Variants in HMCN1 observed in about 807,000 individuals in gnomAD.
HMCN1 encodes hemicentin 1.
A neutral mutation model predicts 625.9 loss-of-function variants in HMCN1; 321 were observed. That is an observed-to-expected ratio of 0.51 (90% confidence interval 0.47 to 0.56). The LOEUF (loss-of-function observed/expected upper bound fraction) is 0.56, where lower values mean the gene tolerates loss of function less well. Ranked by LOEUF, HMCN1 falls within the 20% of genes least tolerant of loss-of-function variation. The probability of loss-of-function intolerance (pLI) is 0.00; values close to 1 mark genes in which losing one functional copy is unlikely to be tolerated. For synonymous variants in HMCN1, 2,425 were observed against 2,417.6 expected (o/e 1.00, Z -0.09); for missense variants, 6,588 against 6,887.3 (o/e 0.96, Z 1.54).
intron 1 of HMCN1, among the ~76,000 whole-genome samples, chr1:185,750,214 A>C (rs1321718468): frequency 6.6e-6 from 1 of 152,208 alleles, no homozygotes; most frequent in Non-Finnish European, 1.5e-5. Flanking sequence ...GGCATATAGA[A>C]GGCACTCAAT....
intron 11 of HMCN1, among the ~76,000 whole-genome samples, chr1:185,942,815 A>G (rs2102514607): frequency 6.6e-6 from 1 of 152,242 alleles, no homozygotes; most frequent in South Asian, 2.1e-4. Context: ...TGGGCTTCCT[A>G]TACTTCTGAT....
At chr1:186,110,977 C>CTTTTTTTTTTTTTATTTTTTTT (rs1660849524) in intron 71 of HMCN1, among the ~76,000 whole-genome samples, 1 of 61,648 alleles carries the variant, frequency 1.6e-5, no homozygotes, top group Non-Finnish European at 2.7e-5. Context: ...AGAGAAAATT[C>CTTTTTTTTTTTTTATTTTTTTT]TTTTTTTTTT....
At position 186,055,529 on chromosome 1, in the gene HMCN1, G is replaced by C. The variant is rs771986088; in HGVS notation, c.6999G>C (p.Leu2333Phe). 4.0e-5 allele frequency: 65 copies of C among 1,612,898 alleles called. No homozygotes were observed. The highest frequency in any genetic ancestry group is 5.5e-5 in the Non-Finnish European group (65 of 1,179,278). The part of the protein sequence containing the change: ...TVTWMKDGHP[L>F]IKAKGVEILD... ...CCTGGATGAAAGATGGCCACCCCTT[G>C]ATCAAGGCAAAGGGAGTAGAAATAC... Residue 2333 changes from leucine to phenylalanine, a missense_variant, in exon 45 of 107, where the codon TTG becomes TTC. By Grantham distance (22) the Leu-to-Phe change is conservative. This residue lies in a region of HMCN1 where 4,628 missense variants were observed against 4,853.1 expected (regional missense o/e 0.95). Coordinates refer to ENST00000271588, the MANE Select transcript of HMCN1 (RefSeq NM_031935.3).
chr1:186,000,364 C>A (rs1350578209), intron 26 of HMCN1, 125 bp downstream of exon 26: 8 of 724,912 alleles, frequency 1.1e-5, no homozygotes, highest in Non-Finnish European at 1.9e-5. Flanking sequence ...AAACAGAAAT[C>A]TGGTGGTATG....
Position 186,166,892 on chromosome 1 carries a change from T to C in HMCN1, c.15524T>C (p.Val5175Ala), listed in dbSNP as rs1291769209. ...ACGATTGGATCTTATCGCTGTGTGG[T>C]CCGTTGTGGAAGTGGCTTTCGAAGA... is the stretch of plus-strand genomic sequence containing the variant. ...DNTIGSYRCV[V>A]RCGSGFRRTS... Residue 5175 changes from valine to alanine, a missense_variant, in exon 100 of 107, where the codon GTC becomes GCC. Physicochemically the swap from Val to Ala is moderately conservative, Grantham distance 64. This residue lies in a region of HMCN1 where 1,954 missense variants were observed against 2,013.1 expected (regional missense o/e 0.97). Coordinates refer to ENST00000271588, the MANE Select transcript of HMCN1 (RefSeq NM_031935.3). 1.2e-6 allele frequency: 2 copies of C among 1,614,160 alleles called. No individual in the cohort carries two copies. The highest frequency in any genetic ancestry group is 2.2e-5 in the South Asian group (2 of 91,086).
chr1:185,780,038 A>T (rs1345192080), intron 1 of HMCN1, among the ~76,000 whole-genome samples: 2 of 152,192 alleles, frequency 1.3e-5, no homozygotes, highest in Non-Finnish European at 1.5e-5. Flanking sequence ...AGAGGTTTGT[A>T]GTTCTCCTTG....
intron 52 of HMCN1, among the ~76,000 whole-genome samples, chr1:186,072,352 A>C (rs1351258439): frequency 6.6e-6 from 1 of 152,196 alleles, no homozygotes. Flanking sequence ...AAAAAAATTT[A>C]AATTATGCTA....
chr1:185,819,052 C>T (rs12098116), intron 1 of HMCN1, among the ~76,000 whole-genome samples: 35,993 of 151,666 alleles, frequency 0.24, 4,660 homozygotes, highest in Non-Finnish European at 0.29. Flanking sequence ...GCCTGGCCAA[C>T]ATGGTGAAAC....
intron 4 of HMCN1, among the ~76,000 whole-genome samples, chr1:185,885,822 A>G (rs1460087084): frequency 1.3e-5 from 2 of 152,066 alleles, no homozygotes; most frequent in Non-Finnish European, 2.9e-5. Flanking sequence ...AACACTTCCA[A>G]GGAAAAATTG....
chr1:185,784,914 T>C (rs1264480211), intron 1 of HMCN1, among the ~76,000 whole-genome samples: 1 of 152,234 alleles, frequency 6.6e-6, no homozygotes. Flanking sequence ...ATTGTTCTGA[T>C]ATCTGTCGTG....
At chr1:186,186,991 G>GTC (rs1198785921) in intron 105 of HMCN1, among the ~76,000 whole-genome samples, 50 of 80,902 alleles carry the variant, frequency 6.2e-4, no homozygotes, top group African/African-American at 2.4e-3. Flanking sequence ...CTCTGTCTCT[G>GTC]TCTCACACAC....
At chr1:186,019,464 A>G (rs1191004844) in intron 34 of HMCN1, 77 bp from the exon 35 acceptor site, 2 of 1,018,922 alleles carry the variant, frequency 2.0e-6, no homozygotes, top group South Asian at 1.3e-5. Flanking sequence ...TTAAGGTTTC[A>G]GGTTCTTGCA....
chr1:186,153,849 A>C lies in HMCN1; in HGVS notation c.15118A>C (p.Asn5040His). The C allele has an allele frequency of 6.2e-7, 1 of 1,614,176 alleles. No homozygotes were observed. Among genetic ancestry groups the C allele is most frequent in the Non-Finnish European group, 8.5e-7 (1 of 1,180,028 alleles). Residue 5040 changes from asparagine to histidine, a missense_variant, in exon 97 of 107, where the codon AAC becomes CAC. By Grantham distance (68) the Asn-to-His change is moderately conservative. This residue lies in a region of HMCN1 where 1,954 missense variants were observed against 2,013.1 expected (regional missense o/e 0.97). Transcript: ENST00000271588. The stretch of plus-strand genomic sequence containing the variant: ...TGGCATCAGCATCCCATACACATGG[A>C]ACCACACCGTTTTCTATGATCAGGC... ...IDGISIPYTW[N>H]HTVFYDQAQG...
In HMCN1 at chr1:186,172,049, C is replaced by G. The variant is rs75161007; in HGVS notation, c.15732C>G (p.His5244Gln). The change falls in exon 102 of 107, where the codon CAC (histidine) becomes CAG (glutamine). Residue 5244 changes from histidine to glutamine, a missense_variant. By Grantham distance (24) the His-to-Gln change is conservative. Around this residue, in one of 3 missense-constraint regions of HMCN1, gnomAD observed 1,954 missense variants for 2,013.1 expected, o/e 0.97. Transcript: ENST00000271588. ...AAAATGTATGCAGACCAGATCAGCA[C>G]TGTAAGAACACCCGTGGTGGCTATA... Reference protein sequence around the residue: ...CRQNVCRPDQHCKNTRGGYKC... With the variant: ...CRQNVCRPDQQCKNTRGGYKC... The G allele has an allele frequency of 5.1e-3, 8,179 of 1,613,704 alleles. 221 individuals carry two copies. The East Asian group carries it at 0.089, about 18-fold the overall frequency.
rs1652076355 is a variant in HMCN1, at chr1:185,987,454, G to A, written c.2958G>A (p.Gly986=). The A allele has an allele frequency of 6.2e-7, 1 of 1,612,868 alleles. No individual in the cohort carries two copies. The highest frequency in any genetic ancestry group is 1.7e-5 in the Admixed American group (1 of 60,020). The change falls in exon 20 of 107, where the codon GGG becomes GGA. Residue 986 remains glycine (G), a synonymous_variant. Coordinates refer to ENST00000271588, the MANE Select transcript of HMCN1 (RefSeq NM_031935.3). ...VVHVLPTIQH[G]QQILSTIEGI... is the part of the protein sequence containing the mutation. Reference sequence around the variant, plus strand: ...CAGTTCTGCCAACCATTCAGCATGGGCAGCAGATACTCAGTACAATTGAAG... The same window carrying A: ...CAGTTCTGCCAACCATTCAGCATGGACAGCAGATACTCAGTACAATTGAAG...
chr1:186,111,478 A>G (rs919994529), intron 71 of HMCN1, among the ~76,000 whole-genome samples: 1 of 151,956 alleles, frequency 6.6e-6, no homozygotes, highest in Non-Finnish European at 1.5e-5. Context: ...GCAAGACCCC[A>G]CCTGAATTTA....
chr1:186,085,249 C>T (rs576690591), intron 57 of HMCN1, among the ~76,000 whole-genome samples: 6 of 152,258 alleles, frequency 3.9e-5, no homozygotes, highest in South Asian at 4.1e-4. Flanking sequence ...TGCTTTAACA[C>T]GACCAGAGAC....
Position 186,137,576 on chromosome 1 carries a change from G to A in HMCN1, c.13661G>A (p.Arg4554His), listed in dbSNP as rs755169660. The A allele has an allele frequency of 1.1e-5, 17 of 1,613,786 alleles. No individual in the cohort carries two copies. The highest frequency in any genetic ancestry group is 3.3e-5 in the Admixed American group (2 of 59,952). Reference sequence around the variant, plus strand: ...GGAAAAGGCATCCAAAAGAGGAGTCGTCTGTGCAACCAGCCCCTTCCAGCC... The same window carrying A: ...GGAAAAGGCATCCAAAAGAGGAGTCATCTGTGCAACCAGCCCCTTCCAGCC... Reference protein sequence around the residue: ...TCGKGIQKRSRLCNQPLPANG... With the variant: ...TCGKGIQKRSHLCNQPLPANG... Residue 4554 changes from arginine (R) to histidine (H), a missense_variant, in exon 88 of 107, where the codon CGT becomes CAT. Physicochemically the swap from Arg to His is conservative, Grantham distance 29. Coordinates refer to ENST00000271588, the MANE Select transcript of HMCN1 (RefSeq NM_031935.3).
chr1:185,750,730 A>G (rs1289992519), intron 1 of HMCN1, among the ~76,000 whole-genome samples: 1 of 152,022 alleles, frequency 6.6e-6, no homozygotes, highest in Non-Finnish European at 1.5e-5. Flanking sequence ...GTGATTTTTA[A>G]TATAGACTTA....
Sources: allele counts gnomAD v4.1 joint callset (sites outside exome capture counted in the v4.1 genomes callset), GRCh38; gene constraint gnomAD v4.1.1; regional missense constraint gnomAD v4.1.1; transcripts MANE v1.5; gene names NCBI Gene and HGNC (gene_info 2026-07-23, HGNC 2026-07-21).